CACHD1: variants seen among roughly 807,000 people sequenced by gnomAD.
CACHD1 encodes VWFA and cache domain-containing protein 1.
A neutral mutation model predicts 138.7 loss-of-function variants in CACHD1; 71 were observed. That is an observed-to-expected ratio of 0.51 (90% CI 0.42 to 0.62). CACHD1 has a LOEUF of 0.62. Ranked by LOEUF, CACHD1 falls within the 20% of genes least tolerant of loss-of-function variation. The probability of loss-of-function intolerance (pLI) is 0.00; values close to 1 mark genes in which losing one functional copy is unlikely to be tolerated. For synonymous variants in CACHD1, 578 were observed against 591.5 expected, an observed-to-expected ratio of 0.98 and a Z score of 0.33; for missense variants, 1,389 against 1,625.3, an observed-to-expected ratio of 0.85 and a Z score of 2.50.
At chr1:64,497,325 A>T (rs1181018512) in intron 1 of CACHD1, among the ~76,000 whole-genome samples, 2 of 152,172 alleles carry the variant, frequency 1.3e-5, no homozygotes, top group Admixed American at 6.5e-5. Context: ...TAGGGTAGAT[A>T]AAGAAAAGGA....
chr1:64,540,316 G>A (rs549827937), intron 1 of CACHD1, among the ~76,000 whole-genome samples: 2 of 152,038 alleles, frequency 1.3e-5, no homozygotes, highest in Non-Finnish European at 2.9e-5. Flanking sequence ...GGAGATCTAG[G>A]GGGTAGGGGT....
intron 1 of CACHD1, among the ~76,000 whole-genome samples, chr1:64,475,598 G>A (rs1307773843): frequency 6.6e-6 from 1 of 152,108 alleles, no homozygotes; most frequent in African/African-American, 2.4e-5. Flanking sequence ...CCAGGCTGGA[G>A]TGCAGTGGCG....
intron 24 of CACHD1, among the ~76,000 whole-genome samples, 167 bp from the exon 25 acceptor site, chr1:64,681,091 T>C (rs76731104): frequency 0.032 from 4,935 of 152,182 alleles, 127 homozygotes; most frequent in Non-Finnish European, 0.045. Flanking sequence ...TCCTGCTCCC[T>C]CCTCCTTTAA....
intron 1 of CACHD1, among the ~76,000 whole-genome samples, chr1:64,522,194 C>G (rs1646503118): frequency 6.6e-6 from 1 of 152,180 alleles, no homozygotes; most frequent in South Asian, 2.1e-4. Context: ...CCAGCACTAT[C>G]TTTTGAGAAG....
At chr1:64,489,790 T>G (rs1646263513) in intron 1 of CACHD1, among the ~76,000 whole-genome samples, 1 of 152,200 alleles carries the variant, frequency 6.6e-6, no homozygotes, top group Non-Finnish European at 1.5e-5. Flanking sequence ...CTTCTAGATT[T>G]GAGCAGCCAG....
At chr1:64,601,498 T>A (rs1313522790) in intron 3 of CACHD1, among the ~76,000 whole-genome samples, 1 of 152,264 alleles carries the variant, frequency 6.6e-6, no homozygotes, top group Admixed American at 6.5e-5. Context: ...GGTGTAACTC[T>A]GCACTAGGTT....
At chr1:64,475,365 T>C (rs1302375286) in intron 1 of CACHD1, among the ~76,000 whole-genome samples, 2 of 149,270 alleles carry the variant, frequency 1.3e-5, no homozygotes, top group African/African-American at 5.1e-5. Flanking sequence ...GGAGTCTCAC[T>C]CTGTTGGCCA....
chr1:64,545,535 G>A (rs751552026), intron 1 of CACHD1, among the ~76,000 whole-genome samples: 2 of 152,194 alleles, frequency 1.3e-5, no homozygotes, highest in African/African-American at 4.8e-5. Flanking sequence ...GATGCATGTT[G>A]CAATCGTTTT....
rs563471375 is a variant in CACHD1 at position 64,538,346 on chromosome 1, G to C, written c.199-12248G>C. ...TATTTGGGTACTCCCCCCTGCAGCA[G>C]TTTCAGAGATATATTTATAATTATT... On this transcript the variant is annotated intron_variant, in intron 1 of 26. Coordinates refer to ENST00000651257, the MANE Select transcript of CACHD1 (RefSeq NM_020925.4). Among the ~76,000 whole-genome samples the C allele has an allele frequency of 7.2e-5, 11 of 152,290 alleles. 1 individual carries two copies. Among genetic ancestry groups the C allele is most frequent in the Admixed American group, 7.2e-4 (11 of 15,290 alleles).
At chr1:64,610,643 C>T (rs988391491) in intron 4 of CACHD1, among the ~76,000 whole-genome samples, 14 of 152,228 alleles carry the variant, frequency 9.2e-5, no homozygotes, top group African/African-American at 3.4e-4. Context: ...CAGCTCCGCC[C>T]ATGTGGCTTT....
intron 1 of CACHD1, among the ~76,000 whole-genome samples, chr1:64,495,482 G>A (rs1308560815): frequency 6.6e-6 from 1 of 152,030 alleles, no homozygotes; most frequent in Non-Finnish European, 1.5e-5. Context: ...TTATGTACTT[G>A]AAAAACTAAG....
intron 2 of CACHD1, among the ~76,000 whole-genome samples, chr1:64,575,558 G>C (rs1365014996): frequency 6.6e-6 from 1 of 152,112 alleles, no homozygotes; most frequent in Non-Finnish European, 1.5e-5. Flanking sequence ...AAGGAAATAA[G>C]GATCAACTAT....
At chr1:64,551,058 CT>C (rs1332572309) in intron 2 of CACHD1, among the ~76,000 whole-genome samples, 2 of 152,124 alleles carry the variant, frequency 1.3e-5, no homozygotes, top group African/African-American at 4.8e-5. Flanking sequence ...CCTTTTTGAG[CT>C]GCAGTTTCTC....
At chr1:64,645,503 G>T (rs532647416) in intron 8 of CACHD1, among the ~76,000 whole-genome samples, 62 of 152,100 alleles carry the variant, frequency 4.1e-4, no homozygotes, top group African/African-American at 1.5e-3. Flanking sequence ...AGAGTTTATT[G>T]TCAGAATTAG....
At chr1:64,532,194 C>T (rs974105330) in intron 1 of CACHD1, among the ~76,000 whole-genome samples, 5 of 152,244 alleles carry the variant, frequency 3.3e-5, no homozygotes, top group Admixed American at 6.5e-5. Flanking sequence ...AGAGACTCTT[C>T]GAGTGGTTCT....
intron 9 of CACHD1, among the ~76,000 whole-genome samples, chr1:64,648,671 ATTG>A (rs1648990317): frequency 6.6e-6 from 1 of 152,144 alleles, no homozygotes; most frequent in Non-Finnish European, 1.5e-5. Flanking sequence ...TGTTGTTATC[ATTG>A]TTATTATTAC....
At chr1:64,590,764 T>C (rs550708468) in intron 3 of CACHD1, among the ~76,000 whole-genome samples, 67 of 152,322 alleles carry the variant, frequency 4.4e-4, no homozygotes, top group African/African-American at 1.6e-3. Flanking sequence ...CTTTTTATTT[T>C]ATTTGCAGCT....
intron 7 of CACHD1, among the ~76,000 whole-genome samples, chr1:64,634,995 CAAAA>C (rs71056059): frequency 4.7e-5 from 3 of 63,876 alleles, no homozygotes; most frequent in South Asian, 9.6e-4. Context: ...GACTCTGTCT[CAAAA>C]AAAAAAAAAA....
chr1:64,558,710 C>G (rs561102446), intron 2 of CACHD1, among the ~76,000 whole-genome samples: 1 of 152,216 alleles, frequency 6.6e-6, no homozygotes, highest in East Asian at 1.9e-4. Flanking sequence ...AGTAAATAGG[C>G]AACCTACAGA....
Sources: gnomAD v4.1 joint callset for allele counts (sites outside exome capture counted in the v4.1 genomes callset) on GRCh38, gnomAD v4.1.1 for gene constraint, MANE v1.5 for transcripts, NCBI Gene and HGNC (gene_info 2026-07-23, HGNC 2026-07-21) for gene names.